The following ANKRD34C variants were observed in gnomAD, a reference collection of about 807,000 sequenced individuals.
The protein encoded by ANKRD34C is ankyrin repeat domain-containing protein 34C.
For missense variants in ANKRD34C, 563 were observed against 653.0 expected, an observed-to-expected ratio of 0.86 and a Z score of 1.50; for synonymous variants, 260 against 253.6, an observed-to-expected ratio of 1.03 and a Z score of -0.24.
Position 79,297,384 on chromosome 15 carries a change from A to G in ANKRD34C, c.*2492A>G, listed in dbSNP as rs2058674770. The G allele has an allele frequency of 6.0e-6, 1 of 166,882 alleles. No individual in the cohort carries two copies. Among genetic ancestry groups the G allele is most frequent in the African/African-American group, 2.4e-5 (1 of 41,358 alleles). The allele number at this position is 166,882 out of a possible 1,614,324, so 10.3% of individuals were successfully genotyped here. ...GTATAGCAAGACACTGCATAGGAGC[A>G]TTTTTTTTCTAAACCTTTAGCTAAG... is the stretch of plus-strand genomic sequence containing the variant. On this transcript the variant is annotated 3_prime_UTR_variant, in exon 2 of 2. Coordinates refer to ENST00000421388, the MANE Select transcript of ANKRD34C (RefSeq NM_001146341.2).
chr15:79,285,048 A>C (rs1271691273), intron 1 of ANKRD34C, among the ~76,000 whole-genome samples: 1 of 152,270 alleles, frequency 6.6e-6, no homozygotes. Context: ...TGTTCCACAA[A>C]GAATTTAAAG....
chr15:79,285,100 C>T (rs970277421), intron 1 of ANKRD34C, among the ~76,000 whole-genome samples: 7 of 152,256 alleles, frequency 4.6e-5, no homozygotes, highest in Middle Eastern at 3.4e-3. Flanking sequence ...TGCACGTATT[C>T]GAAGTAGTCG....
Position 79,293,466 on chromosome 15 carries a change from G to A in ANKRD34C, c.182G>A (p.Ser61Asn). ...ACITKHVDQQ[S>N]ISKSKMVKYL... Reference sequence around the variant, plus strand: ...ATCACCAAACATGTGGACCAGCAAAGCATCAGCAAGTCCAAGATGGTGAAG... The same window carrying A: ...ATCACCAAACATGTGGACCAGCAAAACATCAGCAAGTCCAAGATGGTGAAG... The change falls in exon 2 of 2, where the codon AGC becomes AAC. Residue 61 changes from serine (S) to asparagine (N), a missense_variant. Ser to Asn is a conservative substitution (Grantham distance 46, BLOSUM62 1). Transcript: ENST00000421388. The A allele has an allele frequency of 6.4e-7, 1 of 1,551,604 alleles. No homozygotes were observed. Among genetic ancestry groups the A allele is most frequent in the Non-Finnish European group, 8.7e-7 (1 of 1,146,932 alleles).
At position 79,296,022 on chromosome 15, in the gene ANKRD34C, CAG is replaced by C. The variant is rs2058671483; in HGVS notation, c.*1134_*1135del. The C allele has an allele frequency of 6.0e-6, 1 of 167,088 alleles. No individual in the cohort carries two copies. The highest frequency in any genetic ancestry group is 2.4e-5 in the African/African-American group (1 of 41,464). 10.4% of individuals were successfully genotyped at this position (167,088 alleles called of 1,614,324 possible). ...CTTTGAGCAAATCCAAGAAGGAAAG[CAG>C]AGACTTAGCACATTTGGTATAATGT... On this transcript the variant is annotated 3_prime_UTR_variant, in exon 2 of 2. Coordinates refer to ENST00000421388, the MANE Select transcript of ANKRD34C (RefSeq NM_001146341.2).
At chr15:79,287,325 T>A (rs772561032) in intron 1 of ANKRD34C, among the ~76,000 whole-genome samples, 1 of 152,184 alleles carries the variant, frequency 6.6e-6, no homozygotes, top group Non-Finnish European at 1.5e-5. Context: ...ACCCACCTCA[T>A]AGTATTACTA....
In ANKRD34C at chr15:79,294,523, G is replaced by A. The variant is rs55824566; in HGVS notation, c.1239G>A (p.Leu413=). The A allele has an allele frequency of 6.7e-3, 10,348 of 1,551,636 alleles. 556 individuals carry two copies. In the African/African-American group the frequency reaches 0.12, roughly 18 times the overall value. ...LDRKKLNSSH[L]SLFHGSRESL... Reference sequence around the variant, plus strand: ...GAAAGAAGCTCAACAGCTCTCACTTGTCTCTTTTCCATGGCTCTCGGGAGT... The same window carrying A: ...GAAAGAAGCTCAACAGCTCTCACTTATCTCTTTTCCATGGCTCTCGGGAGT... Residue 413 remains leucine, a synonymous_variant, in exon 2 of 2, where the codon TTG becomes TTA. Coordinates refer to ENST00000421388, the MANE Select transcript of ANKRD34C (RefSeq NM_001146341.2).
intron 1 of ANKRD34C, among the ~76,000 whole-genome samples, chr15:79,290,005 T>C (rs1037123874): frequency 2.0e-5 from 3 of 152,064 alleles, no homozygotes; most frequent in Non-Finnish European, 2.9e-5. Flanking sequence ...TGCATTTTCT[T>C]TATCTATTTC....
intron 1 of ANKRD34C, among the ~76,000 whole-genome samples, chr15:79,291,591 CACACACACACAGAGAGAGAG>C (rs1244287291): frequency 2.5e-5 from 3 of 119,096 alleles, no homozygotes; most frequent in South Asian, 3.0e-4. Context: ...CACACACACA[CACACACACACAGAGAGAGAG>C]AGAGAGAGAG....
chr15:79,286,046 G>A (rs1222815261), intron 1 of ANKRD34C, among the ~76,000 whole-genome samples: 1 of 152,086 alleles, frequency 6.6e-6, no homozygotes, highest in African/African-American at 2.4e-5. Flanking sequence ...GCAAACACTT[G>A]CATCTACTTA....
At chr15:79,290,123 CAA>C (rs2058655466) in intron 1 of ANKRD34C, among the ~76,000 whole-genome samples, 1 of 150,048 alleles carries the variant, frequency 6.7e-6, no homozygotes, top group Non-Finnish European at 1.5e-5. Context: ...CTCCTGGGCT[CAA>C]GTGATCCACC....
Position 79,295,631 on chromosome 15 carries a change from G to A in ANKRD34C, c.*739G>A, listed in dbSNP as rs1486556306. On this transcript the variant is annotated 3_prime_UTR_variant, in exon 2 of 2. Coordinates refer to ENST00000421388, the MANE Select transcript of ANKRD34C (RefSeq NM_001146341.2). ...TTCCCCAGACCCGTCCCCTGACACAGGCTCTTGTATTGAAATCTTGTGAAA... is the reference window on the plus strand; with the variant it reads ...TTCCCCAGACCCGTCCCCTGACACAAGCTCTTGTATTGAAATCTTGTGAAA... The A allele has an allele frequency of 6.0e-6, 1 of 167,060 alleles. No homozygotes were observed. Among genetic ancestry groups the A allele is most frequent in the Non-Finnish European group, 1.5e-5 (1 of 68,100 alleles). The allele number at this position is 167,060 out of a possible 1,614,324, so 10.3% of individuals were successfully genotyped here. A position where few individuals can be genotyped will look rare whatever the true frequency, so the allele number is the denominator to read the frequency against.
intron 1 of ANKRD34C, among the ~76,000 whole-genome samples, chr15:79,292,405 G>A (rs1237864668): frequency 2.6e-5 from 4 of 152,192 alleles, no homozygotes; most frequent in African/African-American, 9.7e-5. Context: ...GAAAGCTTTG[G>A]TCTGAGCTTT....
rs1347877951 is a variant in ANKRD34C, at chr15:79,294,510, A to G, written c.1226A>G (p.Asn409Ser). 13 of 1,551,612 alleles carry G rather than the reference A, an allele frequency of 8.4e-6. No homozygotes were observed. Among genetic ancestry groups the G allele is most frequent in the Non-Finnish European group, 1.0e-5 (12 of 1,147,004 alleles). Residue 409 changes from asparagine to serine, a missense_variant, in exon 2 of 2, where the codon AAC becomes AGC. By Grantham distance (46) the Asn-to-Ser change is conservative. Transcript: ENST00000421388. The part of the protein sequence containing the change: ...GKGPLDRKKL[N>S]SSHLSLFHGS... ...GGACCTTTAGATAGAAAGAAGCTCA[A>G]CAGCTCTCACTTGTCTCTTTTCCAT...
chr15:79,282,780 C>T lies in ANKRD34C; in HGVS notation c.-493C>T, dbSNP rs1424919486. Among the ~76,000 whole-genome samples the T allele has an allele frequency of 6.6e-6, 1 of 152,242 alleles. No homozygotes were observed. The highest frequency in any genetic ancestry group is 1.5e-5 in the Non-Finnish European group (1 of 68,044). ...CTCTCGGCGCCAGCGGGCAGCAGCG[C>T]GTCGTCAGCCAGCACAGCCGGCCGA... On this transcript the variant is annotated 5_prime_UTR_variant, in exon 1 of 2. Coordinates refer to ENST00000421388, the MANE Select transcript of ANKRD34C (RefSeq NM_001146341.2).
intron 1 of ANKRD34C, among the ~76,000 whole-genome samples, chr15:79,291,540 AGAG>A (rs2058659000): frequency 6.8e-6 from 1 of 147,084 alleles, no homozygotes; most frequent in Non-Finnish European, 1.5e-5. Context: ...TGACAGAAAG[AGAG>A]GAGAGAAAGA....
intron 1 of ANKRD34C, among the ~76,000 whole-genome samples, chr15:79,285,924 C>T (rs1370014917): frequency 6.6e-6 from 1 of 152,106 alleles, no homozygotes; most frequent in Non-Finnish European, 1.5e-5. Context: ...TTTAAGTTTC[C>T]TGTTTCTAAA....
At chr15:79,292,534 T>C (rs1413364318) in intron 1 of ANKRD34C, among the ~76,000 whole-genome samples, 3 of 152,230 alleles carry the variant, frequency 2.0e-5, no homozygotes, top group African/African-American at 4.8e-5. Context: ...ATATGAATTC[T>C]GACATCTGCT....
In ANKRD34C at chr15:79,298,126, G is replaced by A. The variant is rs929423107; in HGVS notation, c.*3234G>A. The A allele has an allele frequency of 1.2e-5, 2 of 166,948 alleles. No homozygotes were observed. Among genetic ancestry groups the A allele is most frequent in the Admixed American group, 6.6e-5 (1 of 15,262 alleles). The allele number at this position is 166,948 out of a possible 1,614,324, so 10.3% of individuals were successfully genotyped here. On this transcript the variant is annotated 3_prime_UTR_variant, in exon 2 of 2. Transcript: ENST00000421388. ...GTGCTGCTTGAACTGATTCTCTACAGTGTTCCTTCCTAGTCTCAAGCTGAT... is the reference window on the plus strand; with the variant it reads ...GTGCTGCTTGAACTGATTCTCTACAATGTTCCTTCCTAGTCTCAAGCTGAT...
At position 79,295,621 on chromosome 15, in the gene ANKRD34C, C is replaced by T. The variant is rs992456782; in HGVS notation, c.*729C>T. On this transcript the variant is annotated 3_prime_UTR_variant, in exon 2 of 2. Coordinates refer to ENST00000421388, the MANE Select transcript of ANKRD34C (RefSeq NM_001146341.2). ...AAATGAAACTTTCCCCAGACCCGTC[C>T]CCTGACACAGGCTCTTGTATTGAAA... The T allele has an allele frequency of 6.0e-6, 1 of 167,056 alleles. No homozygotes were observed. The allele number at this position is 167,056 out of a possible 1,614,324, so 10.3% of individuals were successfully genotyped here.
Sources: allele counts gnomAD v4.1 joint callset (sites outside exome capture counted in the v4.1 genomes callset), GRCh38; gene constraint gnomAD v4.1.1; transcripts MANE v1.5; gene names NCBI Gene and HGNC (gene_info 2026-07-23, HGNC 2026-07-21).